PLXNC1: variants seen among roughly 807,000 people sequenced by gnomAD.
PLXNC1 encodes plexin C1, also known as plexin-C1.
PLXNC1 carries 75 observed loss-of-function variants against 178.2 expected under a neutral mutation model. The ratio of observed to expected loss-of-function variants is 0.42; its 90% CI spans 0.35 to 0.51. The LOEUF (loss-of-function observed/expected upper bound fraction) is 0.51, where lower values mean the gene tolerates loss of function less well. PLXNC1 is among the 20% of genes least tolerant of loss of function. The probability of loss-of-function intolerance (pLI) is 0.02; values close to 1 mark genes in which losing one functional copy is unlikely to be tolerated. For missense variants in PLXNC1, 1,503 were observed against 1,984.4 expected (o/e 0.76, Z 4.61); for synonymous variants, 790 against 779.9 (o/e 1.01, Z -0.22).
At chr12:94,172,160 C>T (rs141011961) in intron 2 of PLXNC1, among the ~76,000 whole-genome samples, 15 of 152,250 alleles carry the variant, frequency 9.9e-5, no homozygotes, top group African/African-American at 3.1e-4. Context: ...TAAGCCACAG[C>T]GTGGGGGAAC....
rs1313434834 is a variant in PLXNC1, at chr12:94,148,719, G to A, written c.-253G>A. ...TGCACACAGGAACTCTCCGGCGAAG[G>A]AGGGCGAGGAGGAAACGGTGCCGGA... is the stretch of plus-strand genomic sequence containing the variant. On this transcript the variant is annotated 5_prime_UTR_variant, in exon 1 of 31. Coordinates refer to ENST00000258526, the MANE Select transcript of PLXNC1 (RefSeq NM_005761.3). This position sits in a 1 kb window ranked among gnomAD's most constrained non-coding sequence, Gnocchi z 4.8. 1 of 151,916 alleles carries A rather than the reference G, an allele frequency of 6.6e-6. No homozygotes were observed. The highest frequency in any genetic ancestry group is 1.5e-5 in the Non-Finnish European group (1 of 67,960). The allele number at this position is 151,916 out of a possible 1,614,324, so 9.4% of individuals were successfully genotyped here.
intron 30 of PLXNC1, among the ~76,000 whole-genome samples, chr12:94,304,535 A>C (rs996621688): frequency 3.3e-5 from 5 of 152,186 alleles, no homozygotes; most frequent in African/African-American, 1.2e-4. Context: ...GGAAATTCAA[A>C]CAGACACATT....
chr12:94,226,471 G>A lies in PLXNC1; in HGVS notation c.1791-134G>A, dbSNP rs1963941814. Reference sequence around the variant, plus strand: ...CAAGAGCAGGGCACAAAGCCTCACAGGAATGTCTGTCCAGGGATTTTTTTT... The same window carrying A: ...CAAGAGCAGGGCACAAAGCCTCACAAGAATGTCTGTCCAGGGATTTTTTTT... On this transcript the variant is annotated intron_variant, in intron 7 of 30. Coordinates refer to ENST00000258526, the MANE Select transcript of PLXNC1 (RefSeq NM_005761.3). 24 of 620,194 alleles carry A rather than the reference G, an allele frequency of 3.9e-5. No individual in the cohort carries two copies. The South Asian group carries it at 4.6e-4, about 12-fold the overall frequency. The allele number at this position is 620,194 out of a possible 1,614,324, so 38.4% of individuals were successfully genotyped here.
At chr12:94,232,608 ACAGG>A (rs1398389848) in intron 9 of PLXNC1, among the ~76,000 whole-genome samples, 2 of 152,246 alleles carry the variant, frequency 1.3e-5, no homozygotes, top group African/African-American at 4.8e-5. Context: ...TATGTGCTAG[ACAGG>A]CAGGCAAAGT....
At chr12:94,287,306 T>C (rs1966857085) in intron 23 of PLXNC1, among the ~76,000 whole-genome samples, 1 of 152,188 alleles carries the variant, frequency 6.6e-6, no homozygotes, top group African/African-American at 2.4e-5. Context: ...GTGCGTTGAC[T>C]ATGAAGGGGA....
intron 1 of PLXNC1, among the ~76,000 whole-genome samples, chr12:94,161,582 C>G (rs185433620): frequency 2.0e-5 from 3 of 152,262 alleles, no homozygotes; most frequent in Admixed American, 2.0e-4. Flanking sequence ...AAAGGACAAT[C>G]CTATTATTAT....
chr12:94,230,414 G>T (rs1029611176), intron 9 of PLXNC1, among the ~76,000 whole-genome samples: 4 of 152,090 alleles, frequency 2.6e-5, no homozygotes, highest in African/African-American at 9.7e-5. Flanking sequence ...GAACTGTGTG[G>T]TTAAAAGGAC....
At chr12:94,173,536 T>G (rs1256040343) in intron 2 of PLXNC1, among the ~76,000 whole-genome samples, 1 of 152,152 alleles carries the variant, frequency 6.6e-6, no homozygotes, top group Non-Finnish European at 1.5e-5. Flanking sequence ...GTTAACTGGT[T>G]TAATCCTTAC....
chr12:94,234,226 C>A (rs1265059906), intron 9 of PLXNC1, among the ~76,000 whole-genome samples: 2 of 152,118 alleles, frequency 1.3e-5, no homozygotes, highest in South Asian at 2.1e-4. Flanking sequence ...TCTTTTCAAT[C>A]ATAGCAGTAT....
chr12:94,254,215 C>T (rs1466898515), intron 15 of PLXNC1, among the ~76,000 whole-genome samples: 2 of 152,172 alleles, frequency 1.3e-5, no homozygotes, highest in Non-Finnish European at 2.9e-5. Context: ...AACCCAAGCA[C>T]CAAACTGGGT....
chr12:94,232,274 A>C (rs1377146047), intron 9 of PLXNC1, among the ~76,000 whole-genome samples: 9 of 152,130 alleles, frequency 5.9e-5, no homozygotes, highest in Admixed American at 5.9e-4. Flanking sequence ...TTTTTAGTAG[A>C]GACAGGGTTT....
At chr12:94,191,049 T>C (rs1962702350) in intron 4 of PLXNC1, among the ~76,000 whole-genome samples, 1 of 152,238 alleles carries the variant, frequency 6.6e-6, no homozygotes, top group African/African-American at 2.4e-5. Flanking sequence ...TTTATTGAAA[T>C]GTGCTCAGAA....
At chr12:94,244,580 C>T (rs1465044383) in intron 12 of PLXNC1, among the ~76,000 whole-genome samples, 1 of 152,194 alleles carries the variant, frequency 6.6e-6, no homozygotes, top group Non-Finnish European at 1.5e-5. Context: ...TCCACCTTTG[C>T]CCGATTCTCC....
intron 10 of PLXNC1, among the ~76,000 whole-genome samples, chr12:94,240,206 A>G (rs1355295843): frequency 2.0e-5 from 3 of 152,314 alleles, no homozygotes; most frequent in South Asian, 2.1e-4. Context: ...TCTGCTTTCT[A>G]TTAGTACTTC....
At chr12:94,158,205 A>G (rs555953965) in intron 1 of PLXNC1, 1 of 152,346 alleles carries the variant, frequency 6.6e-6, no homozygotes, top group East Asian at 1.9e-4. Context: ...GGGAGGCTTC[A>G]GAGAGGTAAT....
At chr12:94,180,569 T>C (rs1284063412) in intron 2 of PLXNC1, among the ~76,000 whole-genome samples, 2 of 152,202 alleles carry the variant, frequency 1.3e-5, no homozygotes, top group African/African-American at 4.8e-5. Context: ...GGGTACATAA[T>C]GGGTGTTGGG....
intron 17 of PLXNC1, among the ~76,000 whole-genome samples, chr12:94,258,443 G>A (rs1964914638): frequency 6.6e-6 from 1 of 152,090 alleles, no homozygotes; most frequent in South Asian, 2.1e-4. Context: ...TTAGCTCAAA[G>A]TTTCTATTAT....
intron 21 of PLXNC1, 117 bp downstream of exon 21, chr12:94,265,342 T>G: frequency 1.2e-6 from 1 of 856,060 alleles, no homozygotes; most frequent in Non-Finnish European, 1.8e-6. Context: ...AGGCCCTGTG[T>G]GTTTAGTTAA....
In PLXNC1 at chr12:94,260,574, A is replaced by C. The variant is rs1012134942; in HGVS notation, c.3252-68A>C. 2.1e-5 allele frequency: 25 copies of C among 1,200,558 alleles called. No homozygotes were observed. The African/African-American group carries it at 3.1e-4, about 15-fold the overall frequency. 74.4% of individuals were successfully genotyped at this position (1,200,558 alleles called of 1,614,324 possible). A position where few individuals can be genotyped will look rare whatever the true frequency, so the allele number is the denominator to read the frequency against. On this transcript the variant is annotated intron_variant, in intron 19 of 30. Transcript: ENST00000258526. The surrounding 1 kb of genome is among the most constrained non-coding windows in gnomAD (Gnocchi z 4.4). ...CTCCCTGCCCTGCCAGTGAGCTTCC[A>C]TGGAAACTCCCATGGGTGTCCAGCT...
Sources: gnomAD v4.1 joint callset for allele counts (sites outside exome capture counted in the v4.1 genomes callset) on GRCh38, gnomAD v4.1.1 for gene constraint, Gnocchi (gnomAD v3.1) non-coding constraint, MANE v1.5 for transcripts, NCBI Gene and HGNC (gene_info 2026-07-23, HGNC 2026-07-21) for gene names.